UHRF1: variants seen among roughly 807,000 people sequenced by gnomAD.
UHRF1 encodes the protein E3 ubiquitin-protein ligase UHRF1.
UHRF1 carries 9 observed loss-of-function variants against 96.5 expected under a neutral mutation model. The observed-to-expected ratio is 0.09, with a 90% CI of 0.06 to 0.16. The LOEUF (loss-of-function observed/expected upper bound fraction) is 0.16, where lower values mean the gene tolerates loss of function less well. UHRF1 is among the 10% of genes least tolerant of loss of function. UHRF1 has a pLI of 1.00. For synonymous variants in UHRF1, 455 were observed against 469.9 expected (o/e 0.97, Z 0.41); for missense variants, 626 against 1,131.1 (o/e 0.55, Z 6.40).
At chr19:4,938,356 C>G (rs1404698988) in intron 5 of UHRF1, among the ~76,000 whole-genome samples, 1 of 151,958 alleles carries the variant, frequency 6.6e-6, no homozygotes, top group Non-Finnish European at 1.5e-5. Context: ...GTATTATTTC[C>G]TTATTCTCTG....
At chr19:4,935,469 G>A (rs1033879766) in intron 5 of UHRF1, among the ~76,000 whole-genome samples, 3 of 152,008 alleles carry the variant, frequency 2.0e-5, no homozygotes, top group Non-Finnish European at 4.4e-5. Context: ...CATGAGAACA[G>A]ACTCATACAA....
intron 5 of UHRF1, among the ~76,000 whole-genome samples, chr19:4,937,713 C>G (rs2033260934): frequency 6.6e-6 from 1 of 152,114 alleles, no homozygotes; most frequent in South Asian, 2.1e-4. Flanking sequence ...GTCTGCAATT[C>G]TCTTGTTTTG....
At position 4,950,539 on chromosome 19, in the gene UHRF1, C is replaced by T. The variant is rs934103515; in HGVS notation, c.1518-72C>T. 3.4e-5 allele frequency: 52 copies of T among 1,515,742 alleles called. 1 individual carries two copies. Among genetic ancestry groups the T allele is most frequent in the Middle Eastern group, 4.9e-4 (2 of 4,100 alleles). The allele number at this position is 1,515,742 out of a possible 1,614,324, so 93.9% of individuals were successfully genotyped here. On this transcript the variant is annotated intron_variant, in intron 11 of 16. Transcript: ENST00000650932. The stretch of plus-strand genomic sequence containing the variant: ...GATTACAGGCCTGAGCCACCACTCC[C>T]GGCTCCTGTGTTTCCTTTTTTGGGG...
Position 4,954,340 on chromosome 19 carries a change from C to T in UHRF1, c.1819-10C>T. 3.7e-6 allele frequency: 6 copies of T among 1,611,106 alleles called. No homozygotes were observed. Among genetic ancestry groups the T allele is most frequent in the Non-Finnish European group, 5.1e-6 (6 of 1,179,294 alleles). ...AGCCTGACTCACGGCTGTCCCTCTT[C>T]CTCCTGAAGTATCCAGAAGGCTACC... On this transcript the variant is annotated splice_polypyrimidine_tract_variant and intron_variant, in intron 13 of 16. Transcript: ENST00000650932. This position sits in a 1 kb window ranked among gnomAD's most constrained non-coding sequence, Gnocchi z 5.9.
intron 11 of UHRF1, among the ~76,000 whole-genome samples, chr19:4,949,696 T>C (rs2033666095): frequency 1.3e-5 from 2 of 151,914 alleles, no homozygotes; most frequent in Non-Finnish European, 2.9e-5. Flanking sequence ...AAAAGTTAGC[T>C]GGTTATGGTC....
intron 1 of UHRF1, among the ~76,000 whole-genome samples, chr19:4,909,945 C>T (rs1333454542): frequency 1.5e-4 from 23 of 150,948 alleles, no homozygotes; most frequent in Non-Finnish European, 1.5e-4. Flanking sequence ...CGCCTGCGCG[C>T]GGGGCGCCCC....
chr19:4,938,525 T>TG (rs974592395), intron 5 of UHRF1, among the ~76,000 whole-genome samples: 80 of 151,952 alleles, frequency 5.3e-4, no homozygotes, highest in African/African-American at 1.8e-3. Flanking sequence ...GACAGTTTTT[T>TG]TTTGTTTGTT....
chr19:4,951,545 G>A (rs984182266), intron 13 of UHRF1, among the ~76,000 whole-genome samples: 1 of 152,090 alleles, frequency 6.6e-6, no homozygotes, highest in African/African-American at 2.4e-5. Flanking sequence ...CAGCCAGGGG[G>A]TGATGGGAAC....
intron 2 of UHRF1, among the ~76,000 whole-genome samples, chr19:4,912,611 CTCTG>C (rs1467605112): frequency 7.2e-5 from 11 of 152,312 alleles, no homozygotes; most frequent in African/African-American, 1.7e-4. Context: ...TCTTGAAGCG[CTCTG>C]TCTTTCTCTC....
intron 11 of UHRF1, 79 bp from the exon 12 acceptor site, chr19:4,950,532 C>G (rs561161340): frequency 3.7e-4 from 542 of 1,480,458 alleles, no homozygotes; most frequent in Non-Finnish European, 4.6e-4. Flanking sequence ...GCCTGAGCCA[C>G]CACTCCCGGC....
At chr19:4,955,715 C>G (rs2145218006) in intron 15 of UHRF1, among the ~76,000 whole-genome samples, 1 of 152,100 alleles carries the variant, frequency 6.6e-6, no homozygotes, top group East Asian at 1.9e-4. Flanking sequence ...TAGCTCCAAG[C>G]AGGAGGAGGT....
intron 11 of UHRF1, among the ~76,000 whole-genome samples, 194 bp downstream of exon 11, chr19:4,947,405 G>T (rs2033596002): frequency 6.8e-6 from 1 of 147,840 alleles, no homozygotes; most frequent in Admixed American, 6.8e-5. Flanking sequence ...GCCTGGTCTG[G>T]TTCCTCCCGT....
chr19:4,936,027 T>C (rs2146344647), intron 5 of UHRF1, among the ~76,000 whole-genome samples: 2 of 152,326 alleles, frequency 1.3e-5, no homozygotes, highest in South Asian at 4.1e-4. Context: ...GAAACGAAGA[T>C]ACCTGGCCGA....
intron 2 of UHRF1, among the ~76,000 whole-genome samples, chr19:4,917,745 T>G (rs1268688300): frequency 6.6e-6 from 1 of 150,740 alleles, no homozygotes; most frequent in Non-Finnish European, 1.5e-5. Flanking sequence ...GCAACCTCTG[T>G]TTTCCAGGCT....
At chr19:4,942,025 G>T in intron 7 of UHRF1, 94 bp downstream of exon 7, 3 of 1,312,618 alleles carry the variant, frequency 2.3e-6, no homozygotes, top group African/African-American at 1.5e-5. Flanking sequence ...GGCAGGCGCG[G>T]GGGCTCACGC....
intron 5 of UHRF1, among the ~76,000 whole-genome samples, chr19:4,940,576 A>G (rs1477938699): frequency 1.3e-5 from 2 of 151,522 alleles, no homozygotes; most frequent in Admixed American, 6.6e-5. Context: ...TATGTTGGCC[A>G]TGCTAGTCTC....
At chr19:4,915,699 G>A (rs2032471021) in intron 2 of UHRF1, among the ~76,000 whole-genome samples, 1 of 152,022 alleles carries the variant, frequency 6.6e-6, no homozygotes, top group South Asian at 2.1e-4. Context: ...GACAGAGCAA[G>A]ACTCCGTCTC....
intron 2 of UHRF1, among the ~76,000 whole-genome samples, chr19:4,927,770 A>G (rs1030734236): frequency 6.6e-6 from 1 of 152,106 alleles, no homozygotes; most frequent in Non-Finnish European, 1.5e-5. Context: ...CCCACGGTCC[A>G]GTGCCCAGAG....
At chr19:4,933,083 T>C in intron 5 of UHRF1, 127 bp downstream of exon 5, 1 of 1,033,270 alleles carries the variant, frequency 9.7e-7, no homozygotes. Context: ...GGCCTGGCCT[T>C]CCTGCCTCCC....
Sources: allele counts gnomAD v4.1 joint callset (sites outside exome capture counted in the v4.1 genomes callset), GRCh38; gene constraint gnomAD v4.1.1; non-coding constraint Gnocchi (gnomAD v3.1); transcripts MANE v1.5; gene names NCBI Gene and HGNC (gene_info 2026-07-23, HGNC 2026-07-21).